The following KCNIP1 variants were observed in gnomAD, a reference collection of about 807,000 sequenced individuals.
The protein encoded by KCNIP1 is potassium voltage-gated channel interacting protein 1, also known as A-type potassium channel modulatory protein KCNIP1.
A neutral mutation model predicts 33.0 loss-of-function variants in KCNIP1; 18 were observed. That is an observed-to-expected ratio of 0.55 (90% CI 0.38 to 0.81). The LOEUF (loss-of-function observed/expected upper bound fraction) is 0.81. Ranked by LOEUF, KCNIP1 falls within the 30% of genes least tolerant of loss-of-function variation. The pLI is 0.00. For missense variants in KCNIP1, 238 were observed against 271.6 expected (o/e 0.88, Z 0.87); for synonymous variants, 93 against 98.3 (o/e 0.95, Z 0.32).
intron 1 of KCNIP1, among the ~76,000 whole-genome samples, chr5:170,522,120 A>C (rs1755385874): frequency 6.6e-6 from 1 of 152,180 alleles, no homozygotes; most frequent in Non-Finnish European, 1.5e-5. Flanking sequence ...CTGGCCAAGG[A>C]GTCTGAGCCC....
At chr5:170,558,548 T>C (rs1328126240) in intron 1 of KCNIP1, among the ~76,000 whole-genome samples, 1 of 152,232 alleles carries the variant, frequency 6.6e-6, no homozygotes, top group Non-Finnish European at 1.5e-5. Context: ...TCTAAGATCA[T>C]GGAAGCGCTC....
intron 1 of KCNIP1, among the ~76,000 whole-genome samples, chr5:170,435,816 CT>C (rs1157396897): frequency 1.3e-5 from 2 of 152,148 alleles, no homozygotes; most frequent in Non-Finnish European, 2.9e-5. Flanking sequence ...CCCAGAGGAC[CT>C]TCTTTCAAGG....
At position 170,566,131 on chromosome 5, in the gene KCNIP1, C is replaced by T. The variant is rs996913700; in HGVS notation, c.61+61498C>T. Among the ~76,000 whole-genome samples the T allele has an allele frequency of 1.7e-4, 26 of 151,550 alleles. 1 individual carries two copies. Among genetic ancestry groups the T allele is most frequent in the African/African-American group, 4.9e-4 (20 of 41,030 alleles). ...GCAACCTCTGCCTCCCGGGTTCAAG[C>T]GATTCTCCCGCCTCAGCCTCCCGGG... On this transcript the variant is annotated intron_variant, in intron 1 of 7. Coordinates refer to ENST00000328939, the MANE Select transcript of KCNIP1 (RefSeq NM_014592.4).
intron 1 of KCNIP1, among the ~76,000 whole-genome samples, chr5:170,396,812 A>T (rs1422516784): frequency 1.3e-5 from 2 of 152,210 alleles, no homozygotes; most frequent in Admixed American, 6.5e-5. Context: ...CAGACCTTAG[A>T]AGGTCTGATT....
intron 1 of KCNIP1, among the ~76,000 whole-genome samples, chr5:170,672,404 T>C (rs549674118): frequency 1.7e-4 from 26 of 152,390 alleles, no homozygotes; most frequent in South Asian, 1.7e-3. Context: ...CTTCCTCCCC[T>C]GGAGAAACTG....
At chr5:170,538,930 T>C (rs1021655358) in intron 1 of KCNIP1, among the ~76,000 whole-genome samples, 12 of 152,060 alleles carry the variant, frequency 7.9e-5, no homozygotes. Context: ...TTTCCTCCAC[T>C]GACACTCCCT....
At chr5:170,679,565 A>G (rs533730558) in intron 1 of KCNIP1, among the ~76,000 whole-genome samples, 1 of 152,206 alleles carries the variant, frequency 6.6e-6, no homozygotes, top group African/African-American at 2.4e-5. Context: ...AGTTCTCTCC[A>G]GAGGCAACTA....
intron 1 of KCNIP1, among the ~76,000 whole-genome samples, chr5:170,623,733 G>A (rs1009584135): frequency 2.0e-5 from 3 of 152,196 alleles, no homozygotes; most frequent in Non-Finnish European, 4.4e-5. Context: ...GCAAAATGGC[G>A]TGACGGCGCT....
intron 1 of KCNIP1, among the ~76,000 whole-genome samples, chr5:170,403,297 A>C (rs1754954100): frequency 6.6e-6 from 1 of 152,248 alleles, no homozygotes; most frequent in Admixed American, 6.5e-5. Context: ...GGGATTTTGG[A>C]GCAGATTCAG....
chr5:170,367,421 G>GAAAA (rs1554086776), intron 1 of KCNIP1, among the ~76,000 whole-genome samples: 2 of 74,734 alleles, frequency 2.7e-5, no homozygotes, highest in Non-Finnish European at 5.8e-5. Flanking sequence ...AAGAAAGAAA[G>GAAAA]GAAAGAAAGA....
intron 1 of KCNIP1, among the ~76,000 whole-genome samples, chr5:170,535,676 A>G (rs974803490): frequency 6.6e-6 from 1 of 152,116 alleles, no homozygotes; most frequent in Admixed American, 6.5e-5. Context: ...TTTGCTTCTC[A>G]CACTTGTAGA....
At chr5:170,669,723 C>A in intron 1 of KCNIP1, 6 of 812,082 alleles carry the variant, frequency 7.4e-6, no homozygotes, top group Non-Finnish European at 8.9e-6. Flanking sequence ...TATTTTAGGT[C>A]ATAATTAACA....
rs542819986 is a variant in KCNIP1, at chr5:170,458,717, A to G, written c.88+104753A>G. ...AAAGGAGCTCTAAACCTTCAATCAAATCCTGGAAACACATCAAAACAGAAC... is the reference window on the plus strand; with the variant it reads ...AAAGGAGCTCTAAACCTTCAATCAAGTCCTGGAAACACATCAAAACAGAAC... On this transcript the variant is annotated intron_variant, in intron 1 of 7. Transcript: ENST00000377360. 1.7e-4 allele frequency among the ~76,000 whole-genome samples: 26 copies of G among 152,336 alleles called. No homozygotes were observed. The East Asian group carries it at 5.0e-3, about 29-fold the overall frequency.
chr5:170,562,808 A>AG (rs1757078106), intron 1 of KCNIP1, among the ~76,000 whole-genome samples: 1 of 152,228 alleles, frequency 6.6e-6, no homozygotes, highest in East Asian at 1.9e-4. Context: ...TGGAGAACTG[A>AG]AACACAGCAA....
At chr5:170,505,035 C>T (rs1467964622) in intron 1 of KCNIP1, among the ~76,000 whole-genome samples, 1 of 152,212 alleles carries the variant, frequency 6.6e-6, no homozygotes, top group East Asian at 1.9e-4. Flanking sequence ...CCACACTCCT[C>T]CTAGGCGGCT....
intron 1 of KCNIP1, among the ~76,000 whole-genome samples, chr5:170,670,767 A>T (rs1332088772): frequency 2.6e-5 from 4 of 152,064 alleles, no homozygotes; most frequent in African/African-American, 9.7e-5. Flanking sequence ...GTGATGCAGC[A>T]CACCTGCAGT....
At chr5:170,574,000 A>G (rs2113496146) in intron 1 of KCNIP1, among the ~76,000 whole-genome samples, 1 of 152,166 alleles carries the variant, frequency 6.6e-6, no homozygotes, top group African/African-American at 2.4e-5. Context: ...ATAGAGAAAA[A>G]CTCCTTGCAG....
intron 1 of KCNIP1, among the ~76,000 whole-genome samples, chr5:170,572,044 C>A (rs1757430637): frequency 1.3e-5 from 2 of 152,044 alleles, no homozygotes; most frequent in South Asian, 4.1e-4. Context: ...CTTGTAGGAA[C>A]AATGAAAGGA....
At chr5:170,527,227 G>C (rs1755612012) in intron 1 of KCNIP1, among the ~76,000 whole-genome samples, 1 of 152,100 alleles carries the variant, frequency 6.6e-6, no homozygotes, top group Admixed American at 6.5e-5. Context: ...AGAGCTTCCA[G>C]GGTCTGACAC....
Sources: gnomAD v4.1 joint callset for allele counts (sites outside exome capture counted in the v4.1 genomes callset) on GRCh38, gnomAD v4.1.1 for gene constraint, MANE v1.5 for transcripts, NCBI Gene and HGNC (gene_info 2026-07-23, HGNC 2026-07-21) for gene names.